Variants in NALF1 observed in about 807,000 individuals in gnomAD.
The protein encoded by NALF1 is family with sequence similarity 155 member A.
A neutral mutation model predicts 48.4 loss-of-function variants in NALF1; 3 were observed. The ratio of observed to expected loss-of-function variants is 0.06; its 90% CI spans 0.03 to 0.16. The LOEUF (loss-of-function observed/expected upper bound fraction) is 0.16, where lower values mean the gene tolerates loss of function less well. Among genes scored for constraint, NALF1 ranks in the 10% least tolerant of loss-of-function variants. The pLI is 1.00. For synonymous variants in NALF1, 262 were observed against 245.7 expected (o/e 1.07, Z -0.62); for missense variants, 526 against 571.5 (o/e 0.92, Z 0.81).
In NALF1 at chr13:107,169,264, T is replaced by C. The variant is rs1878739503; in HGVS notation, c.*1233A>G. On this transcript the variant is annotated 3_prime_UTR_variant, in exon 3 of 3. Transcript: ENST00000375915. The stretch of plus-strand genomic sequence containing the variant: ...TCCTCTGTGATAATGCAGAATTGCA[T>C]ACACTGTATACCTGGAATAATTTTA... 1 of 152,244 alleles carries C rather than the reference T, an allele frequency of 6.6e-6. No homozygotes were observed. Among genetic ancestry groups the C allele is most frequent in the Non-Finnish European group, 1.5e-5 (1 of 68,038 alleles). 9.4% of individuals were successfully genotyped at this position (152,244 alleles called of 1,614,324 possible).
rs74547661 is a variant in NALF1, at chr13:107,493,822, C to T, written c.916-283067G>A. ...GAGGATGGCTTGAGCCCCAAGTGTT[C>T]GAGGCTGTAATGAACTATAATTGCA... On this transcript the variant is annotated intron_variant, in intron 1 of 2. Transcript: ENST00000375915. 9.6e-3 allele frequency among the ~76,000 whole-genome samples: 1,454 copies of T among 152,096 alleles called. 28 individuals are homozygous for T. Among genetic ancestry groups the T allele is most frequent in the African/African-American group, 0.033 (1,379 of 41,498 alleles).
intron 1 of NALF1, among the ~76,000 whole-genome samples, chr13:107,817,857 AT>A (rs1315413438): frequency 6.6e-5 from 10 of 151,772 alleles, no homozygotes; most frequent in Admixed American, 3.3e-4. Context: ...CCATTTGTTT[AT>A]TTGCATCATA....
At chr13:107,700,539 T>C (rs1351731957) in intron 1 of NALF1, among the ~76,000 whole-genome samples, 1 of 151,954 alleles carries the variant, frequency 6.6e-6, no homozygotes, top group African/African-American at 2.4e-5. Flanking sequence ...CAAGAACAGA[T>C]AAGGGAAAAA....
At chr13:107,610,354 A>G (rs1879193278) in intron 1 of NALF1, among the ~76,000 whole-genome samples, 2 of 152,222 alleles carry the variant, frequency 1.3e-5, no homozygotes, top group Admixed American at 6.5e-5. Context: ...AAATTCCAAA[A>G]TATCTACTTA....
intron 1 of NALF1, among the ~76,000 whole-genome samples, chr13:107,334,174 A>G (rs1414212937): frequency 6.6e-6 from 1 of 152,164 alleles, no homozygotes; most frequent in African/African-American, 2.4e-5. Flanking sequence ...CTTTTGACAA[A>G]CCTTTATTAA....
At chr13:107,794,196 A>G (rs1027680823) in intron 1 of NALF1, among the ~76,000 whole-genome samples, 4 of 152,152 alleles carry the variant, frequency 2.6e-5, no homozygotes, top group Admixed American at 6.5e-5. Flanking sequence ...TTCCTGTTCT[A>G]TGCCCTTGGA....
intron 1 of NALF1, among the ~76,000 whole-genome samples, chr13:107,633,992 C>CTCATA (rs10624815): frequency 0.58 from 86,280 of 149,272 alleles, 27,322 homozygotes; most frequent in East Asian, 0.99. Context: ...CCAAATTGAT[C>CTCATA]TATTTGCTTT....
chr13:107,467,334 G>C (rs1277093348), intron 1 of NALF1, among the ~76,000 whole-genome samples: 2 of 152,090 alleles, frequency 1.3e-5, no homozygotes, highest in African/African-American at 2.4e-5. Context: ...TCATTACTAA[G>C]AGACTAAGGT....
chr13:107,830,072 A>C (rs1355618293), intron 1 of NALF1, among the ~76,000 whole-genome samples: 1 of 152,134 alleles, frequency 6.6e-6, no homozygotes, highest in Non-Finnish European at 1.5e-5. Flanking sequence ...CGGAACCCTC[A>C]CCAAATAAGT....
At chr13:107,286,807 C>T (rs1380772099) in intron 1 of NALF1, among the ~76,000 whole-genome samples, 1 of 152,030 alleles carries the variant, frequency 6.6e-6, no homozygotes, top group African/African-American at 2.4e-5. Context: ...ACAAATATCC[C>T]ATGTTAAATT....
intron 1 of NALF1, among the ~76,000 whole-genome samples, chr13:107,445,875 G>A (rs1884640783): frequency 6.6e-6 from 1 of 152,044 alleles, no homozygotes; most frequent in Non-Finnish European, 1.5e-5. Context: ...CAATTCACCT[G>A]TGATTTATTC....
At chr13:107,757,592 G>C (rs1877146046) in intron 1 of NALF1, among the ~76,000 whole-genome samples, 2 of 151,888 alleles carry the variant, frequency 1.3e-5, no homozygotes, top group Non-Finnish European at 2.9e-5. Flanking sequence ...CAAAATATCT[G>C]TTTCTATTAT....
At chr13:107,710,783 A>G (rs1387822737) in intron 1 of NALF1, among the ~76,000 whole-genome samples, 1 of 141,110 alleles carries the variant, frequency 7.1e-6, no homozygotes, top group East Asian at 2.1e-4. Context: ...ATATGTGTGT[A>G]TATACACATA....
rs2138975063 is a variant in NALF1 at position 107,382,209 on chromosome 13, T to C, written c.916-171454A>G. On this transcript the variant is annotated intron_variant, in intron 1 of 2. Transcript: ENST00000375915. ...AATCCACTGTAACACCATGACCCAG[T>C]TGCTATATAAATGATATGTACGTGA... Among the ~76,000 whole-genome samples, 4 of 152,320 alleles carry C rather than the reference T, an allele frequency of 2.6e-5. No individual in the cohort carries two copies. In the Middle Eastern group the frequency reaches 0.014, roughly 518 times the overall value.
chr13:107,626,712 CAT>C (rs1879684355), intron 1 of NALF1, among the ~76,000 whole-genome samples: 1 of 151,946 alleles, frequency 6.6e-6, no homozygotes, highest in South Asian at 2.1e-4. Context: ...TGTTCCCACT[CAT>C]GTATGGAAGC....
chr13:107,542,537 T>A (rs979133098), intron 1 of NALF1, among the ~76,000 whole-genome samples: 2 of 152,076 alleles, frequency 1.3e-5, no homozygotes, highest in African/African-American at 4.8e-5. Context: ...ATTAGTTGAA[T>A]CAGATATGAT....
chr13:107,658,936 G>A (rs1201580409), intron 1 of NALF1, among the ~76,000 whole-genome samples: 1 of 151,976 alleles, frequency 6.6e-6, no homozygotes, highest in East Asian at 1.9e-4. Flanking sequence ...CCTGAAATGT[G>A]ACCGCTTCTC....
chr13:107,767,757 T>C (rs1404388745), intron 1 of NALF1, among the ~76,000 whole-genome samples: 1 of 152,256 alleles, frequency 6.6e-6, no homozygotes, highest in Non-Finnish European at 1.5e-5. Flanking sequence ...CATTATTTTT[T>C]AATCTTGCCC....
At chr13:107,759,081 G>A (rs943393858) in intron 1 of NALF1, among the ~76,000 whole-genome samples, 3 of 152,174 alleles carry the variant, frequency 2.0e-5, no homozygotes, top group Non-Finnish European at 2.9e-5. Context: ...CTGTCCTCAT[G>A]TATCCAAGAG....
Sources: allele counts gnomAD v4.1 joint callset (sites outside exome capture counted in the v4.1 genomes callset), GRCh38; gene constraint gnomAD v4.1.1; transcripts MANE v1.5; gene names NCBI Gene and HGNC (gene_info 2026-07-23, HGNC 2026-07-21).